Variants in GRIN2B observed in about 807,000 individuals in gnomAD.
The protein encoded by GRIN2B is glutamate receptor ionotropic, NMDA 2B.
GRIN2B carries 5 observed loss-of-function variants against 114.5 expected under a neutral mutation model. The observed-to-expected ratio is 0.04, with a 90% CI of 0.02 to 0.09. The LOEUF (loss-of-function observed/expected upper bound fraction) is 0.09, where lower values mean the gene tolerates loss of function less well. GRIN2B is among the 10% of genes least tolerant of loss of function. The pLI, the probability that GRIN2B is intolerant of heterozygous loss-of-function variation, is 1.00. For synonymous variants in GRIN2B, 787 were observed against 745.1 expected (o/e 1.06, Z -0.92); for missense variants, 1,108 against 1,943.5 (o/e 0.57, Z 8.08).
chr12:13,549,940 C>T lies in GRIN2B; in HGVS notation c.*12843G>A, dbSNP rs547962782. ...CTGCCTAGATTTCGTGACTTTTCTC[C>T]ACTGCTAGATGCTGAAAACCTACAG... On this transcript the variant is annotated 3_prime_UTR_variant, in exon 14 of 14. Coordinates refer to ENST00000609686, the MANE Select transcript of GRIN2B (RefSeq NM_000834.5). 5.3e-5 allele frequency: 8 copies of T among 152,190 alleles called. No individual in the cohort carries two copies. Among genetic ancestry groups the T allele is most frequent in the Admixed American group, 5.2e-4 (8 of 15,290 alleles). The allele number at this position is 152,190 out of a possible 1,614,324, so 9.4% of individuals were successfully genotyped here. A position where few individuals can be genotyped will look rare whatever the true frequency, so the allele number is the denominator to read the frequency against.
Position 13,615,235 on chromosome 12 carries a change from G to A in GRIN2B, c.1533C>T (p.Gly511=). ...VVMKRAYMAV[G]SLTINEERSE... Reference sequence around the variant, plus strand: ...ATCGTTCCTCATTGATGGTGAGTGAGCCCACTGCCATGTAGGCCCTCTTCA... The same window carrying A: ...ATCGTTCCTCATTGATGGTGAGTGAACCCACTGCCATGTAGGCCCTCTTCA... Residue 511 remains glycine (G), a synonymous_variant, in exon 8 of 14, where the codon GGC becomes GGT. Transcript: ENST00000609686. The surrounding 1 kb of genome is among the most constrained non-coding windows in gnomAD (Gnocchi z 5.8). The A allele has an allele frequency of 6.2e-7, 1 of 1,613,924 alleles. No homozygotes were observed.
At chr12:13,805,661 A>G (rs747075376) in intron 3 of GRIN2B, among the ~76,000 whole-genome samples, 27 of 152,302 alleles carry the variant, frequency 1.8e-4, no homozygotes, top group Non-Finnish European at 3.4e-4. Flanking sequence ...ATGTTTTGAT[A>G]TATGCTTACA....
intron 3 of GRIN2B, among the ~76,000 whole-genome samples, chr12:13,815,100 T>C (rs1235590056): frequency 1.3e-5 from 2 of 152,248 alleles, no homozygotes; most frequent in African/African-American, 4.8e-5. Context: ...CTTTATATAA[T>C]GTATCATAGG....
At chr12:13,824,775 G>C (rs534141203) in intron 3 of GRIN2B, among the ~76,000 whole-genome samples, 1 of 146,764 alleles carries the variant, frequency 6.8e-6, no homozygotes, top group African/African-American at 2.5e-5. Flanking sequence ...AGAATTGCTT[G>C]AACCCGGGAG....
At chr12:13,953,366 G>A (rs1230822473) in intron 2 of GRIN2B, among the ~76,000 whole-genome samples, 9 of 152,166 alleles carry the variant, frequency 5.9e-5, no homozygotes, top group Admixed American at 5.9e-4. Context: ...GTGCAGTAAT[G>A]ACCAGGTCAC....
At chr12:13,668,136 C>T (rs1483342136) in intron 5 of GRIN2B, among the ~76,000 whole-genome samples, 4 of 152,134 alleles carry the variant, frequency 2.6e-5, no homozygotes, top group African/African-American at 9.7e-5. Context: ...GAACACTTTC[C>T]TTTTCACTGT....
rs1466485753 is a variant in GRIN2B at position 13,563,076 on chromosome 12, T to C, written c.4162A>G (p.Ile1388Val). Residue 1388 changes from isoleucine (I) to valine (V), a missense_variant, in exon 14 of 14, where the codon ATC (isoleucine) becomes GTC (valine). Ile to Val is a conservative substitution (Grantham distance 29). This residue lies in a region of GRIN2B where 478 missense variants were observed against 506.0 expected (regional missense o/e 0.94). Transcript: ENST00000609686. ...CACTGGTCGTCCCCAAAAGTGGGGA[T>C]GAAAGGGTTTTGCGTGACCCGGTCA... Reference protein sequence around the residue: ...YPDRVTQNPFIPTFGDDQCLL... With the variant: ...YPDRVTQNPFVPTFGDDQCLL... 1.9e-6 allele frequency: 3 copies of C among 1,614,184 alleles called. No homozygotes were observed. Among genetic ancestry groups the C allele is most frequent in the Non-Finnish European group, 2.5e-6 (3 of 1,180,026 alleles).
chr12:13,597,579 G>A (rs1949091822), intron 10 of GRIN2B, among the ~76,000 whole-genome samples: 1 of 152,168 alleles, frequency 6.6e-6, no homozygotes, highest in Non-Finnish European at 1.5e-5. Flanking sequence ...TCCAGACAAG[G>A]GGTAGCCAAT....
chr12:13,888,282 G>T (rs1372741433), intron 2 of GRIN2B, among the ~76,000 whole-genome samples: 2 of 152,046 alleles, frequency 1.3e-5, no homozygotes, highest in African/African-American at 4.8e-5. Context: ...ACACACCTAG[G>T]CTCTGTGGTA....
At chr12:13,754,663 G>C (rs1244534710) in intron 3 of GRIN2B, among the ~76,000 whole-genome samples, 1 of 152,162 alleles carries the variant, frequency 6.6e-6, no homozygotes, top group East Asian at 1.9e-4. Context: ...AACAGAATAA[G>C]GCTCAAACAG....
In GRIN2B at chr12:13,556,888, C is replaced by T. The variant is rs1948484429; in HGVS notation, c.*5895G>A. 1 of 152,194 alleles carries T rather than the reference C, an allele frequency of 6.6e-6. No homozygotes were observed. The allele number at this position is 152,194 out of a possible 1,614,324, so 9.4% of individuals were successfully genotyped here. Reference sequence around the variant, plus strand: ...AGAAATGTGGAAGATTTCTAACTTTCCCTACTTATTCCCAGTACTGCTATT... The same window carrying T: ...AGAAATGTGGAAGATTTCTAACTTTTCCTACTTATTCCCAGTACTGCTATT... On this transcript the variant is annotated 3_prime_UTR_variant, in exon 14 of 14. Coordinates refer to ENST00000609686, the MANE Select transcript of GRIN2B (RefSeq NM_000834.5).
intron 2 of GRIN2B, among the ~76,000 whole-genome samples, chr12:13,951,806 C>T (rs1229716900): frequency 6.6e-6 from 1 of 152,142 alleles, no homozygotes; most frequent in East Asian, 1.9e-4. Flanking sequence ...AAATGGCCAC[C>T]ATACTATATA....
intron 2 of GRIN2B, among the ~76,000 whole-genome samples, chr12:13,977,577 G>A (rs7963561): frequency 0.042 from 6,400 of 152,104 alleles, 437 homozygotes; most frequent in African/African-American, 0.14. Context: ...CCCACCAGCC[G>A]CCACCTTTCT....
chr12:13,616,534 C>T lies in GRIN2B; in HGVS notation c.1249G>A (p.Val417Ile). ...SIVTLEEAPF[V>I]IVESVDPLSG... is the part of the protein sequence containing the mutation. ...AGAGGGTCCACACTTTCCACAATGA[C>T]AAATGGTGCCTCCTCCAGGGTCACA... Residue 417 changes from valine (V) to isoleucine (I), a missense_variant, in exon 6 of 14, where the codon GTC (valine) becomes ATC (isoleucine). Val to Ile is a conservative substitution (Grantham distance 29). Around this residue, in one of 19 missense-constraint regions of GRIN2B, gnomAD observed 7 missense variants for 39.9 expected, o/e 0.18. Coordinates refer to ENST00000609686, the MANE Select transcript of GRIN2B (RefSeq NM_000834.5). 1 of 1,614,072 alleles carries T rather than the reference C, an allele frequency of 6.2e-7. No homozygotes were observed. Among genetic ancestry groups the T allele is most frequent in the Non-Finnish European group, 8.5e-7 (1 of 1,179,932 alleles).
intron 10 of GRIN2B, among the ~76,000 whole-genome samples, chr12:13,602,134 T>C (rs541892190): frequency 1.3e-5 from 2 of 152,244 alleles, no homozygotes; most frequent in South Asian, 4.1e-4. Flanking sequence ...AAAAGGCAAG[T>C]GTCCTCCCCC....
chr12:13,766,123 T>G (rs937284636), intron 3 of GRIN2B, among the ~76,000 whole-genome samples: 2 of 152,234 alleles, frequency 1.3e-5, no homozygotes, highest in African/African-American at 4.8e-5. Flanking sequence ...CAACTGATTC[T>G]TTGTAACATT....
chr12:13,629,951 G>C (rs916538457), intron 5 of GRIN2B, among the ~76,000 whole-genome samples: 1 of 152,084 alleles, frequency 6.6e-6, no homozygotes, highest in Non-Finnish European at 1.5e-5. Flanking sequence ...TCCTTCCTTT[G>C]TACTGCCAAA....
chr12:13,757,822 A>C (rs984206207), intron 3 of GRIN2B, among the ~76,000 whole-genome samples: 8 of 152,252 alleles, frequency 5.3e-5, no homozygotes, highest in Non-Finnish European at 1.2e-4. Context: ...TTTATTTGCT[A>C]ATAAGAATAA....
chr12:13,869,231 C>CTTTTTTTTTTTTT (rs1158566763), intron 2 of GRIN2B, among the ~76,000 whole-genome samples: 1 of 126,036 alleles, frequency 7.9e-6, no homozygotes. Flanking sequence ...TTTTCTTTTT[C>CTTTTTTTTTTTTT]TTTTTTTTTC....
Sources: gnomAD v4.1 joint callset for allele counts (sites outside exome capture counted in the v4.1 genomes callset) on GRCh38, gnomAD v4.1.1 for gene constraint, gnomAD v4.1.1 regional missense constraint, Gnocchi (gnomAD v3.1) non-coding constraint, MANE v1.5 for transcripts, NCBI Gene and HGNC (gene_info 2026-07-23, HGNC 2026-07-21) for gene names.